Variants in PDE4D observed in about 807,000 individuals in gnomAD.
PDE4D encodes the protein phosphodiesterase 4D, also known as 3',5'-cyclic-AMP phosphodiesterase 4D.
A neutral mutation model predicts 87.4 loss-of-function variants in PDE4D; 24 were observed. That is an observed-to-expected ratio of 0.27 (90% CI 0.20 to 0.39). PDE4D has a LOEUF of 0.39. Ranked by LOEUF, PDE4D falls within the 10% of genes least tolerant of loss-of-function variation. The pLI is 1.00. For synonymous variants in PDE4D, 384 were observed against 383.2 expected (o/e 1.00, Z -0.02); for missense variants, 714 against 1,041.0 (o/e 0.69, Z 4.32).
At chr5:59,196,988 A>G (rs934455350) in intron 2 of PDE4D, among the ~76,000 whole-genome samples, 14 of 152,134 alleles carry the variant, frequency 9.2e-5, no homozygotes, top group Non-Finnish European at 2.1e-4. Context: ...CCAAAATTAA[A>G]ATAATATGAC....
rs536538036 is a variant in PDE4D, at chr5:59,679,514, T to C, written c.455+213654A>G. On this transcript the variant is annotated intron_variant, in intron 1 of 14. Transcript: ENST00000340635. ...TCTGTAATACAAACCCTTTGGGTAA[T>C]ACTCCTATAGACATCCCACAATATA... Among the ~76,000 whole-genome samples, 167 of 152,312 alleles carry C rather than the reference T, an allele frequency of 1.1e-3. 1 individual carries two copies. The highest frequency in any genetic ancestry group is 3.9e-3 in the African/African-American group (161 of 41,574).
intron 3 of PDE4D, among the ~76,000 whole-genome samples, chr5:59,946,641 C>T (rs1757751325): frequency 6.6e-6 from 1 of 152,192 alleles, no homozygotes; most frequent in South Asian, 2.1e-4. Context: ...GAGTCCTTAG[C>T]ATTTGCCAGG....
intron 1 of PDE4D, among the ~76,000 whole-genome samples, chr5:59,842,209 A>G (rs1439693154): frequency 6.6e-6 from 1 of 151,998 alleles, no homozygotes; most frequent in African/African-American, 2.4e-5. Context: ...TTGAAATTTT[A>G]GAGGACATCT....
intron 1 of PDE4D, among the ~76,000 whole-genome samples, chr5:59,326,584 T>C (rs1420891724): frequency 6.6e-6 from 1 of 152,160 alleles, no homozygotes; most frequent in Non-Finnish European, 1.5e-5. Flanking sequence ...AAAATCTGGC[T>C]ATTAATAAAA....
intron 1 of PDE4D, among the ~76,000 whole-genome samples, chr5:59,635,806 T>A (rs937768960): frequency 6.6e-6 from 1 of 152,198 alleles, no homozygotes; most frequent in African/African-American, 2.4e-5. Context: ...CTGGAAGTAT[T>A]CCCTTTGAAA....
intron 1 of PDE4D, among the ~76,000 whole-genome samples, chr5:60,323,010 T>G (rs557168173): frequency 3.7e-4 from 56 of 152,360 alleles, no homozygotes; most frequent in East Asian, 9.6e-4. Context: ...TACCTATCTT[T>G]GTGATATTCT....
intron 1 of PDE4D, among the ~76,000 whole-genome samples, chr5:59,291,636 C>T (rs1434884801): frequency 2.6e-5 from 4 of 151,492 alleles, no homozygotes; most frequent in Non-Finnish European, 5.9e-5. Context: ...TACCCATTTA[C>T]CATGATGTGA....
intron 5 of PDE4D, among the ~76,000 whole-genome samples, chr5:59,149,303 C>T (rs1779118462): frequency 1.3e-5 from 2 of 152,164 alleles, no homozygotes; most frequent in Non-Finnish European, 2.9e-5. Context: ...ACTCTCTAAG[C>T]CTTCCTTCCT....
rs544890983 is a variant in PDE4D at position 59,669,127 on chromosome 5, C to T, written c.455+224041G>A. Among the ~76,000 whole-genome samples, 4 of 152,250 alleles carry T rather than the reference C, an allele frequency of 2.6e-5. No homozygotes were observed. In the South Asian group the frequency reaches 8.3e-4, roughly 32 times the overall value. ...TCTTTATTTTTGAGATGGAGTTTCG[C>T]TCTTGTTGCTCAGGCTGGAGTGCAA... On this transcript the variant is annotated intron_variant, in intron 1 of 14. Transcript: ENST00000340635.
intron 1 of PDE4D, among the ~76,000 whole-genome samples, chr5:59,258,422 C>T (rs536427062): frequency 6.6e-6 from 1 of 151,948 alleles, no homozygotes; most frequent in South Asian, 2.1e-4. Flanking sequence ...AGGGAGGCAC[C>T]ATTGCATCTC....
rs35043596 is a variant in PDE4D, at chr5:59,831,326, CAA to C, written c.455+61840_455+61841del. 3.0e-3 allele frequency among the ~76,000 whole-genome samples: 272 copies of C among 91,368 alleles called. 1 individual carries two copies. Among genetic ancestry groups the C allele is most frequent in the East Asian group, 4.6e-3 (14 of 3,056 alleles). The allele number at this position is 91,368 out of a possible 152,430, so 59.9% of individuals were successfully genotyped here. On this transcript the variant is annotated intron_variant, in intron 1 of 14. Transcript: ENST00000340635. ...TGCCACAGAGGTCATAAATTATTCT[CAA>C]AAAAAAAAAAAAAAAAAAACCGGGC...
intron 1 of PDE4D, among the ~76,000 whole-genome samples, chr5:59,853,974 A>T (rs1745044743): frequency 6.6e-6 from 1 of 152,054 alleles, no homozygotes; most frequent in Admixed American, 6.6e-5. Flanking sequence ...GGTTTTCTTT[A>T]ATGAAAATTT....
chr5:59,950,024 G>A (rs1758134426), intron 3 of PDE4D, among the ~76,000 whole-genome samples: 1 of 152,180 alleles, frequency 6.6e-6, no homozygotes, highest in Non-Finnish European at 1.5e-5. Flanking sequence ...CAGAGTTAAA[G>A]CTTCTTTAAG....
intron 1 of PDE4D, among the ~76,000 whole-genome samples, chr5:60,285,049 A>G (rs984474299): frequency 6.6e-6 from 1 of 152,066 alleles, no homozygotes; most frequent in Non-Finnish European, 1.5e-5. Context: ...TCTAAGAATC[A>G]TTCACATTTC....
intron 1 of PDE4D, among the ~76,000 whole-genome samples, chr5:60,462,501 C>CA (rs1033177805): frequency 2.6e-5 from 4 of 152,118 alleles, no homozygotes; most frequent in African/African-American, 9.7e-5. Flanking sequence ...TGGGATAAAT[C>CA]ATATAATGAA....
Position 60,473,119 on chromosome 5 carries a change from GAAAGAAAGGA to G in PDE4D, c.-90+14813_-90+14822del, listed in dbSNP as rs777951938. On this transcript the variant is annotated intron_variant, in intron 1 of 16. Transcript: ENST00000502484. ...AAAGAAAGAAAGAAAGAGAGAGAGA[GAAAGAAAGGA>G]AGGAAGGAAGGAAGGAAGGAAGGAA... Among the ~76,000 whole-genome samples, 834 of 120,646 alleles carry G rather than the reference GAAAGAAAGGA, an allele frequency of 6.9e-3. 30 individuals carry two copies. The highest frequency in any genetic ancestry group is 0.025 in the African/African-American group (726 of 29,152). The allele number at this position is 120,646 out of a possible 152,430, so 79.1% of individuals were successfully genotyped here.
intron 1 of PDE4D, among the ~76,000 whole-genome samples, chr5:59,633,823 A>G (rs1447519484): frequency 6.6e-6 from 1 of 152,198 alleles, no homozygotes; most frequent in Non-Finnish European, 1.5e-5. Flanking sequence ...TGAAGAAACT[A>G]CATCAACTAA....
intron 1 of PDE4D, among the ~76,000 whole-genome samples, chr5:60,316,669 C>A (rs1755634224): frequency 6.6e-6 from 1 of 152,054 alleles, no homozygotes; most frequent in Non-Finnish European, 1.5e-5. Context: ...CCCATCAATA[C>A]CTAATTTATT....
intron 1 of PDE4D, among the ~76,000 whole-genome samples, chr5:59,349,721 C>T (rs1780201450): frequency 6.6e-6 from 1 of 152,006 alleles, no homozygotes; most frequent in South Asian, 2.1e-4. Flanking sequence ...ATTATAAACC[C>T]TTGGCAGTTT....
Sources: allele counts gnomAD v4.1 joint callset (sites outside exome capture counted in the v4.1 genomes callset), GRCh38; gene constraint gnomAD v4.1.1; transcripts MANE v1.5; gene names NCBI Gene and HGNC (gene_info 2026-07-23, HGNC 2026-07-21).